MYBPC3: variants seen among roughly 807,000 people sequenced by gnomAD.
MYBPC3 encodes the protein myosin-binding protein C, cardiac-type.
Under a neutral mutation model 159.3 loss-of-function variants are expected in MYBPC3, and 108 were observed. That is an observed-to-expected ratio of 0.68 (90% CI 0.58 to 0.80). The LOEUF (loss-of-function observed/expected upper bound fraction) is 0.80, where lower values mean the gene tolerates loss of function less well. Among genes scored for constraint, MYBPC3 ranks in the 30% least tolerant of loss-of-function variants. MYBPC3 has a pLI of 0.00. For synonymous variants in MYBPC3, 730 were observed against 702.0 expected (o/e 1.04, Z -0.63); for missense variants, 1,631 against 1,762.1 (o/e 0.93, Z 1.33).
rs377479891 is a variant in MYBPC3 at position 47,332,045 on chromosome 11, C to T, written c.3814+27G>A. 2 of 1,604,560 alleles carry T rather than the reference C, an allele frequency of 1.2e-6. No individual in the cohort carries two copies. The highest frequency in any genetic ancestry group is 2.7e-5 in the African/African-American group (2 of 74,738). On this transcript the variant is annotated intron_variant, in intron 33 of 34. Coordinates refer to ENST00000545968, the MANE Select transcript of MYBPC3 (RefSeq NM_000256.3). This position sits in a 1 kb window ranked among gnomAD's most constrained non-coding sequence, Gnocchi z 4.2. ...ACTGCCGCCCGCTCTTCCCATCTCC[C>T]AGGCCCTGGCCCCGAGGGCTCCTCA...
chr11:47,333,080 A>T, intron 30 of MYBPC3, 107 bp from the exon 31 acceptor site: 1 of 1,520,572 alleles, frequency 6.6e-7, no homozygotes, highest in Non-Finnish European at 8.9e-7. Flanking sequence ...GGAGGGATTC[A>T]GATCAGCAGA....
chr11:47,352,552 C>T, intron 1 of MYBPC3, 71 bp downstream of exon 1: 2 of 1,590,058 alleles, frequency 1.3e-6, no homozygotes, highest in South Asian at 2.3e-5. Context: ...GAACTCCCTC[C>T]TAGCCCTGCT....
rs538535200 is a variant in MYBPC3, at chr11:47,347,053, TA to T, written c.906-25del. 1.3e-4 allele frequency: 109 copies of T among 834,598 alleles called. No homozygotes were observed. In the African/African-American group the frequency reaches 1.6e-3, roughly 13 times the overall value. The allele number at this position is 834,598 out of a possible 1,614,324, so 51.7% of individuals were successfully genotyped here. A position where few individuals can be genotyped will look rare whatever the true frequency, so the allele number is the denominator to read the frequency against. On this transcript the variant is annotated intron_variant, in intron 9 of 34. Transcript: ENST00000545968. Reference sequence around the variant, plus strand: ...CTCTGGGCCACAGCAGCAGCAGCCATAATGGAGGGGCCGGGGGAGAGGGAGA... The same window carrying T: ...CTCTGGGCCACAGCAGCAGCAGCCATATGGAGGGGCCGGGGGAGAGGGAGA...
In MYBPC3 at chr11:47,342,714, C is replaced by T. The variant is rs1453655174; in HGVS notation, c.1488G>A (p.Glu496=). 11 of 1,613,916 alleles carry T rather than the reference C, an allele frequency of 6.8e-6. No individual in the cohort carries two copies. The highest frequency in any genetic ancestry group is 1.7e-5 in the Admixed American group (1 of 60,002). Residue 496 remains glutamate (E), a synonymous_variant, in exon 17 of 35, where the codon GAG becomes GAA. Coordinates refer to ENST00000545968, the MANE Select transcript of MYBPC3 (RefSeq NM_000256.3). ...WLKDGVELTR[E]ETFKYRFKKD... ...TCTTGAACCGGTATTTGAAGGTCTCCTCCCGGGTCAGCTCCACCCCGTCCT... is the reference window on the plus strand; with the variant it reads ...TCTTGAACCGGTATTTGAAGGTCTCTTCCCGGGTCAGCTCCACCCCGTCCT...
chr11:47,349,894 C>CA lies in MYBPC3; in HGVS notation c.533dup (p.Ala179GlyfsTer62). ...GCGGCTTCAGGAGGCTGGCGCCGGC[C>CA]ACGCGGGCTGAGAAGGTGATGCTGC... is the stretch of plus-strand genomic sequence containing the variant. On this transcript the variant is annotated frameshift_variant, in exon 5 of 35. Coordinates refer to ENST00000545968, the MANE Select transcript of MYBPC3 (RefSeq NM_000256.3). LOFTEE classifies it high-confidence loss of function. The CA allele has an allele frequency of 6.2e-7, 1 of 1,609,628 alleles. No homozygotes were observed. Among genetic ancestry groups the CA allele is most frequent in the Non-Finnish European group, 8.5e-7 (1 of 1,178,212 alleles).
At chr11:47,347,382 C>A (rs2095895331) in intron 9 of MYBPC3, 44 bp downstream of exon 9, 1 of 1,558,860 alleles carries the variant, frequency 6.4e-7, no homozygotes, top group East Asian at 2.4e-5. Flanking sequence ...GGATTTGGAG[C>A]CAGGCCTCAC....
Position 47,348,415 on chromosome 11 carries a change from C to T in MYBPC3, c.772+9G>A, listed in dbSNP as rs566339669. 8.8e-6 allele frequency: 14 copies of T among 1,596,774 alleles called. No individual in the cohort carries two copies. The Admixed American group carries it at 2.2e-4, about 25-fold the overall frequency. On this transcript the variant is annotated intron_variant, in intron 6 of 34. Coordinates refer to ENST00000545968, the MANE Select transcript of MYBPC3 (RefSeq NM_000256.3). ...CCCGAGCCCAGGACAGACACCAGGG[C>T]CCCCTCACCGTGGACAGTGAGATTG...
rs2095878135 is a variant in MYBPC3 at position 47,332,500 on chromosome 11, G to C, written c.3627+66C>G. 6.4e-7 allele frequency: 1 copy of C among 1,563,556 alleles called. No individual in the cohort carries two copies. Among genetic ancestry groups the C allele is most frequent in the East Asian group, 2.3e-5 (1 of 44,356 alleles). On this transcript the variant is annotated intron_variant, in intron 32 of 34. Coordinates refer to ENST00000545968, the MANE Select transcript of MYBPC3 (RefSeq NM_000256.3). The surrounding 1 kb of genome is among the most constrained non-coding windows in gnomAD (Gnocchi z 4.2). ...GGGGAGACAGGCTGGGGAGAGGACT[G>C]CTCAACGTCGGGGCCTGTGAGCCCT...
intron 21 of MYBPC3, 80 bp downstream of exon 21, chr11:47,339,571 G>T (rs2095886150): frequency 6.7e-7 from 1 of 1,487,968 alleles, no homozygotes; most frequent in East Asian, 2.4e-5. Context: ...TGTGGGTGGG[G>T]TGTGCAGCAG....
intron 5 of MYBPC3, among the ~76,000 whole-genome samples, chr11:47,348,908 T>TTATATATACATACATA (rs1555123224): frequency 2.5e-5 from 1 of 39,884 alleles, no homozygotes; most frequent in African/African-American, 7.6e-5. Flanking sequence ...CTGTCTCAAA[T>TTATATATACATACATA]TATATATATA....
intron 7 of MYBPC3, 22 bp from the exon 8 acceptor site, chr11:47,347,702 T>C: frequency 6.4e-7 from 1 of 1,564,418 alleles, no homozygotes; most frequent in Non-Finnish European, 8.7e-7. Flanking sequence ...AGACTCAGTA[T>C]CCTCACCTGC....
chr11:47,347,222 A>G, intron 9 of MYBPC3, 193 bp from the exon 10 acceptor site: 2 of 985,352 alleles, frequency 2.0e-6, no homozygotes, highest in Non-Finnish European at 2.4e-6. Context: ...CGTGGGGGAC[A>G]CTGTGAGGAT....
At chr11:47,339,616 T>C in intron 21 of MYBPC3, 35 bp downstream of exon 21, 1 of 1,537,616 alleles carries the variant, frequency 6.5e-7, no homozygotes, top group African/African-American at 1.4e-5. Context: ...ACACCCATCT[T>C]ATAGATGGGG....
In MYBPC3 at chr11:47,347,788, C is replaced by G. The variant is rs977172036; in HGVS notation, c.821+69G>C. 29 of 1,546,708 alleles carry G rather than the reference C, an allele frequency of 1.9e-5. No homozygotes were observed. The East Asian group carries it at 7.1e-4, about 38-fold the overall frequency. On this transcript the variant is annotated intron_variant, in intron 7 of 34. Coordinates refer to ENST00000545968, the MANE Select transcript of MYBPC3 (RefSeq NM_000256.3). ...GCAAATCATCCCCAGCCCTGACCCC[C>G]AGTCGAGACCCTGAAGGGCCTCAGA... is the stretch of plus-strand genomic sequence containing the variant.
Position 47,341,896 on chromosome 11 carries a change from C to T in MYBPC3, c.1790+95G>A, listed in dbSNP as rs2095888961. 10 of 1,480,086 alleles carry T rather than the reference C, an allele frequency of 6.8e-6. No homozygotes were observed. The East Asian group carries it at 2.0e-4, about 29-fold the overall frequency. 91.7% of individuals were successfully genotyped at this position (1,480,086 alleles called of 1,614,324 possible). ...CTCTGTGCATCTGCCTCTCTGTCCA[C>T]CTGTCTTTATCTCTCTCTCTCTGTT... On this transcript the variant is annotated intron_variant, in intron 18 of 34. Coordinates refer to ENST00000545968, the MANE Select transcript of MYBPC3 (RefSeq NM_000256.3).
At chr11:47,343,319 CAAAAG>C (rs1003780953) in intron 13 of MYBPC3, 57 bp from the exon 14 acceptor site, 15 of 1,520,992 alleles carry the variant, frequency 9.9e-6, no homozygotes, top group Non-Finnish European at 1.2e-5. Flanking sequence ...GAGCCCGAGA[CAAAAG>C]GAGAGAGAGA....
intron 12 of MYBPC3, 22 bp from the exon 13 acceptor site, chr11:47,343,646 C>G (rs571936272): frequency 6.3e-7 from 1 of 1,590,766 alleles, no homozygotes; most frequent in African/African-American, 1.3e-5. Flanking sequence ...CCCTCAGCCC[C>G]GGCCACCCCA....
rs397515953 is a variant in MYBPC3, at chr11:47,338,651, C to T, written c.2177G>A (p.Arg726His). The T allele has an allele frequency of 1.2e-5, 19 of 1,613,526 alleles. No individual in the cohort carries two copies. Among genetic ancestry groups the T allele is most frequent in the African/African-American group, 8.0e-5 (6 of 74,918 alleles). The stretch of plus-strand genomic sequence containing the variant: ...GCTGCGGTCCTTGGTGGTCTCCACG[C>T]GGACCCGGCCCTCGGTCTCACACAG... ...KLLCETEGRV[R>H]VETTKDRSIF... The change falls in exon 23 of 35, where the codon CGC becomes CAC. Residue 726 changes from arginine (R) to histidine (H), a missense_variant. Transcript: ENST00000545968. The surrounding 1 kb of genome is among the most constrained non-coding windows in gnomAD (Gnocchi z 4.7).
intron 25 of MYBPC3, chr11:47,336,301 A>G (rs547508375): frequency 4.0e-4 from 89 of 222,522 alleles, no homozygotes; most frequent in Admixed American, 3.5e-4. Flanking sequence ...CAGCCTGGCC[A>G]ACATGGTGAA....
Sources: allele counts gnomAD v4.1 joint callset (sites outside exome capture counted in the v4.1 genomes callset), GRCh38; gene constraint gnomAD v4.1.1; non-coding constraint Gnocchi (gnomAD v3.1); transcripts MANE v1.5; gene names NCBI Gene and HGNC (gene_info 2026-07-23, HGNC 2026-07-21).